Variants in PDZRN3 observed in about 807,000 individuals in gnomAD.
The protein encoded by PDZRN3 is PDZ domain containing ring finger 3.
In PDZRN3, 38 loss-of-function variants were observed where a neutral mutation model predicts 85.7. The ratio of observed to expected loss-of-function variants is 0.44; its 90% CI spans 0.34 to 0.58. The LOEUF is 0.58. PDZRN3 is among the 20% of genes least tolerant of loss of function. The probability of loss-of-function intolerance (pLI) is 0.01; values close to 1 mark genes in which losing one functional copy is unlikely to be tolerated. For missense variants in PDZRN3, 1,629 were observed against 1,506.4 expected, an observed-to-expected ratio of 1.08 and a Z score of -1.35; for synonymous variants, 759 against 638.0, an observed-to-expected ratio of 1.19 and a Z score of -2.86.
chr3:73,624,915 C>A lies in PDZRN3; in HGVS notation c.-90G>T, dbSNP rs1223780471. On this transcript the variant is annotated 5_prime_UTR_variant, in exon 1 of 10. Coordinates refer to ENST00000263666, the MANE Select transcript of PDZRN3 (RefSeq NM_015009.3). ...GCCCAGACAGGCCGGCTACGCCGCC[C>A]GCGCGCTCGCTGGCTCTCCCCGGAC... 1.9e-6 allele frequency: 2 copies of A among 1,038,882 alleles called. No individual in the cohort carries two copies. The highest frequency in any genetic ancestry group is 4.2e-5 in the South Asian group (1 of 24,046). 64.4% of individuals were successfully genotyped at this position (1,038,882 alleles called of 1,614,324 possible). A position where few individuals can be genotyped will look rare whatever the true frequency, so the allele number is the denominator to read the frequency against.
intron 3 of PDZRN3, among the ~76,000 whole-genome samples, chr3:73,469,115 C>T (rs1360942119): frequency 6.6e-6 from 1 of 151,286 alleles, no homozygotes; most frequent in East Asian, 1.9e-4. Flanking sequence ...ACTCTGTCAC[C>T]CAGGCTAGAG....
At chr3:73,524,202 A>C (rs1372536213) in intron 3 of PDZRN3, among the ~76,000 whole-genome samples, 2 of 152,242 alleles carry the variant, frequency 1.3e-5, no homozygotes, top group Non-Finnish European at 2.9e-5. Flanking sequence ...TTTAATAGTC[A>C]AGGCTGTAAA....
chr3:73,510,290 T>C (rs1377665673), intron 3 of PDZRN3, among the ~76,000 whole-genome samples: 1 of 152,198 alleles, frequency 6.6e-6, no homozygotes, highest in Non-Finnish European at 1.5e-5. Flanking sequence ...AAACTAGTGC[T>C]CCTTATGTAC....
intron 3 of PDZRN3, chr3:73,434,024 A>C: frequency 1.0e-6 from 1 of 996,648 alleles, no homozygotes; most frequent in Non-Finnish European, 1.3e-6. Context: ...CACGCTATAT[A>C]TACTGCTGCT....
In PDZRN3 at chr3:73,384,396, T is replaced by C. The variant is rs1266921082; in HGVS notation, c.2170A>G (p.Ser724Gly). ...QYRESWMLHN[S>G]GFRNYNTSID... ...CTGGTGTTGTAGTTGCGGAAGCCGC[T>C]GTTGTGCAGCATCCAGGACTCGCGG... The change falls in exon 10 of 10, where the codon AGC (serine) becomes GGC (glycine). Residue 724 changes from serine to glycine, a missense_variant. By Grantham distance (56) the Ser-to-Gly change is moderately conservative (BLOSUM62 0). Transcript: ENST00000263666. 6.2e-7 allele frequency: 1 copy of C among 1,609,634 alleles called. No individual in the cohort carries two copies. Among genetic ancestry groups the C allele is most frequent in the Admixed American group, 1.7e-5 (1 of 60,028 alleles).
chr3:73,410,140 A>G (rs1249279353), intron 3 of PDZRN3, among the ~76,000 whole-genome samples: 1 of 152,214 alleles, frequency 6.6e-6, no homozygotes, highest in African/African-American at 2.4e-5. Context: ...ATAATACACT[A>G]TATACTGAAA....
At chr3:73,443,313 A>G (rs1212912379) in intron 3 of PDZRN3, among the ~76,000 whole-genome samples, 1 of 152,094 alleles carries the variant, frequency 6.6e-6, no homozygotes, top group Non-Finnish European at 1.5e-5. Flanking sequence ...CCCAGTTGCC[A>G]AACTCCAACC....
At chr3:73,511,599 C>G (rs1704165963) in intron 3 of PDZRN3, among the ~76,000 whole-genome samples, 1 of 152,218 alleles carries the variant, frequency 6.6e-6, no homozygotes. Flanking sequence ...ATGAGGGGAA[C>G]AGATCTGGGG....
chr3:73,587,076 T>A (rs1267091190), intron 3 of PDZRN3, among the ~76,000 whole-genome samples: 1 of 152,170 alleles, frequency 6.6e-6, no homozygotes, highest in African/African-American at 2.4e-5. Flanking sequence ...GGGTACAATA[T>A]CAGAAAGACA....
chr3:73,568,674 G>A (rs577401318), intron 3 of PDZRN3, among the ~76,000 whole-genome samples: 1 of 152,304 alleles, frequency 6.6e-6, no homozygotes, highest in South Asian at 2.1e-4. Context: ...AGCAGAGGCA[G>A]CTTGGGACTT....
intron 5 of PDZRN3, among the ~76,000 whole-genome samples, chr3:73,397,017 A>C (rs1214016549): frequency 1.3e-5 from 2 of 149,690 alleles, no homozygotes; most frequent in African/African-American, 2.5e-5. Flanking sequence ...TTTTTCTTTT[A>C]TTTCTTTCTT....
At chr3:73,563,007 ATATATATTT>A (rs1249737793) in intron 3 of PDZRN3, among the ~76,000 whole-genome samples, 7 of 45,896 alleles carry the variant, frequency 1.5e-4, no homozygotes, top group African/African-American at 7.1e-4. Context: ...ATATATATAT[ATATATATTT>A]TTTTTTTTTT....
At chr3:73,538,320 C>T (rs777630605) in intron 3 of PDZRN3, among the ~76,000 whole-genome samples, 2 of 152,206 alleles carry the variant, frequency 1.3e-5, no homozygotes, top group African/African-American at 4.8e-5. Flanking sequence ...ACTTTAAGTA[C>T]ACTGTGGTTG....
At chr3:73,505,359 A>C (rs2106694698) in intron 3 of PDZRN3, among the ~76,000 whole-genome samples, 1 of 152,324 alleles carries the variant, frequency 6.6e-6, no homozygotes, top group Non-Finnish European at 1.5e-5. Flanking sequence ...TAATTCACCC[A>C]ACTATCTTTA....
chr3:73,442,544 G>A (rs1293351019), intron 3 of PDZRN3, among the ~76,000 whole-genome samples: 1 of 152,150 alleles, frequency 6.6e-6, no homozygotes, highest in East Asian at 1.9e-4. Flanking sequence ...GGAACACTAG[G>A]TGTTACAAAT....
intron 3 of PDZRN3, among the ~76,000 whole-genome samples, chr3:73,501,633 G>A (rs1192705570): frequency 6.6e-6 from 1 of 152,218 alleles, no homozygotes; most frequent in Admixed American, 6.5e-5. Flanking sequence ...CTCTCAGGGT[G>A]TCAAAGGAAA....
chr3:73,577,931 G>C (rs188194644), intron 3 of PDZRN3, among the ~76,000 whole-genome samples: 3 of 152,334 alleles, frequency 2.0e-5, no homozygotes, highest in Admixed American at 2.0e-4. Flanking sequence ...TACTGTCCAT[G>C]GTTGCTTTCC....
chr3:73,461,332 G>A (rs758277572), intron 3 of PDZRN3, among the ~76,000 whole-genome samples: 2 of 152,178 alleles, frequency 1.3e-5, no homozygotes, highest in Non-Finnish European at 2.9e-5. Context: ...CAATTTTGCA[G>A]ATAATTCAGG....
chr3:73,441,896 T>C (rs899003704), intron 3 of PDZRN3, among the ~76,000 whole-genome samples: 3 of 152,194 alleles, frequency 2.0e-5, no homozygotes, highest in African/African-American at 7.2e-5. Flanking sequence ...TGAGACTATC[T>C]CCTTCTAGAT....
Sources: allele counts gnomAD v4.1 joint callset (sites outside exome capture counted in the v4.1 genomes callset), GRCh38; gene constraint gnomAD v4.1.1; transcripts MANE v1.5; gene names NCBI Gene and HGNC (gene_info 2026-07-23, HGNC 2026-07-21).